The following EPHB2 variants were observed in gnomAD, a reference collection of about 807,000 sequenced individuals.
EPHB2 encodes the protein ephrin type-B receptor 2.
Under a neutral mutation model 96.4 loss-of-function variants are expected in EPHB2, and 18 were observed. The ratio of observed to expected loss-of-function variants is 0.19; its 90% confidence interval spans 0.13 to 0.28. The LOEUF is 0.28. Ranked by LOEUF, EPHB2 falls within the 10% of genes least tolerant of loss-of-function variation. EPHB2 has a pLI of 1.00. For missense variants in EPHB2, 989 were observed against 1,355.4 expected, an observed-to-expected ratio of 0.73 and a Z score of 4.25; for synonymous variants, 506 against 534.1, an observed-to-expected ratio of 0.95 and a Z score of 0.72.
At chr1:22,854,230 G>C in intron 3 of EPHB2, among the ~76,000 whole-genome samples, 1 of 152,200 alleles carries the variant, frequency 6.6e-6, no homozygotes, top group East Asian at 1.9e-4. Context: ...ATGGACTAAG[G>C]CTGGGCATAG....
intron 6 of EPHB2, chr1:22,882,727 A>G (rs994020165): frequency 2.1e-6 from 1 of 469,684 alleles, no homozygotes; most frequent in Non-Finnish European, 3.9e-6. Flanking sequence ...ACACCCAGCA[A>G]TCTCAGTGAA....
At chr1:22,800,700 A>ATG (rs1407584015) in intron 3 of EPHB2, among the ~76,000 whole-genome samples, 26 of 108,528 alleles carry the variant, frequency 2.4e-4, no homozygotes, top group African/African-American at 6.0e-4. Flanking sequence ...CTGTGTGAGT[A>ATG]TATGTGTGTG....
intron 3 of EPHB2, among the ~76,000 whole-genome samples, chr1:22,796,958 G>A (rs1020066465): frequency 6.6e-6 from 1 of 152,342 alleles, no homozygotes; most frequent in East Asian, 1.9e-4. Context: ...TCCAAAGCCT[G>A]TACTTGTCCT....
rs1266806197 is a variant in EPHB2, at chr1:22,767,824, G to A, written c.62-13597G>A. On this transcript the variant is annotated intron_variant, in intron 1 of 15. Coordinates refer to ENST00000374630, the MANE Select transcript of EPHB2 (RefSeq NM_017449.5). The stretch of plus-strand genomic sequence containing the variant: ...TCTTTAGCTGGCATTGCCTCTCAGG[G>A]TACCAGTGGGAAATGGTGGGAAAGC... Among the ~76,000 whole-genome samples, 4 of 152,224 alleles carry A rather than the reference G, an allele frequency of 2.6e-5. No homozygotes were observed. The East Asian group carries it at 7.7e-4, about 29-fold the overall frequency.
rs952733534 is a variant in EPHB2 at position 22,897,034 on chromosome 1, C to A, written c.1765+556C>A. ...GCAGCAGGAGTCCCTCCTTCCTTCT[C>A]TTCCTCTCACTCTGTGGCTCCAGAC... On this transcript the variant is annotated intron_variant, in intron 9 of 15. Coordinates refer to ENST00000374630, the MANE Select transcript of EPHB2 (RefSeq NM_017449.5). Among the ~76,000 whole-genome samples the A allele has an allele frequency of 3.9e-5, 6 of 152,352 alleles. No individual in the cohort carries two copies. The East Asian group carries it at 1.2e-3, about 29-fold the overall frequency.
intron 1 of EPHB2, among the ~76,000 whole-genome samples, chr1:22,762,246 C>T (rs1644245502): frequency 6.6e-6 from 1 of 152,192 alleles, no homozygotes; most frequent in Admixed American, 6.5e-5. Flanking sequence ...CAGCTCCCAG[C>T]AGCTGGTGTC....
intron 5 of EPHB2, among the ~76,000 whole-genome samples, chr1:22,879,703 G>A (rs1433847997): frequency 6.6e-6 from 1 of 152,232 alleles, no homozygotes; most frequent in African/African-American, 2.4e-5. Context: ...TGTTGAGGGG[G>A]TTAAATGAGA....
At chr1:22,809,366 C>A (rs570833337) in intron 3 of EPHB2, among the ~76,000 whole-genome samples, 3 of 152,240 alleles carry the variant, frequency 2.0e-5, no homozygotes, top group South Asian at 2.1e-4. Flanking sequence ...GAGATGTCTA[C>A]AGATCAGACA....
chr1:22,711,377 G>A (rs1360915105), intron 1 of EPHB2, among the ~76,000 whole-genome samples: 4 of 149,132 alleles, frequency 2.7e-5, no homozygotes, highest in Non-Finnish European at 6.0e-5. Flanking sequence ...GCGCCGGCCT[G>A]GTCTTGCTCC....
chr1:22,866,770 T>C (rs1024298110), intron 5 of EPHB2, among the ~76,000 whole-genome samples: 4 of 151,882 alleles, frequency 2.6e-5, no homozygotes, highest in African/African-American at 9.7e-5. Context: ...CCCATCTCTA[T>C]TAAAAATACA....
intron 6 of EPHB2, among the ~76,000 whole-genome samples, chr1:22,887,051 C>A (rs1639249001): frequency 6.6e-6 from 1 of 151,924 alleles, no homozygotes; most frequent in Admixed American, 6.6e-5. Context: ...CTTACTGGGG[C>A]AAAGGGGTTG....
chr1:22,829,135 G>A (rs781590292), intron 3 of EPHB2, among the ~76,000 whole-genome samples: 3 of 152,248 alleles, frequency 2.0e-5, no homozygotes, highest in Non-Finnish European at 4.4e-5. Context: ...TGCAAAGCAC[G>A]TGACACTGAC....
chr1:22,875,292 G>T lies in EPHB2; in HGVS notation c.1304-7067G>T, dbSNP rs16827709. Among the ~76,000 whole-genome samples the T allele has an allele frequency of 0.062, 9,413 of 152,268 alleles. 969 individuals are homozygous for T. Among genetic ancestry groups the T allele is most frequent in the African/African-American group, 0.21 (8,719 of 41,518 alleles). On this transcript the variant is annotated intron_variant, in intron 5 of 15. Transcript: ENST00000374630. The surrounding 1 kb of genome is among the most constrained non-coding windows in gnomAD (Gnocchi z 4.2). The stretch of plus-strand genomic sequence containing the variant: ...ACTCAAAAAGCAGCTGTCCCATGAT[G>T]AGCTGGGAATTCTAAGAGTCCCGTC...
At chr1:22,732,302 G>C (rs1195624075) in intron 1 of EPHB2, among the ~76,000 whole-genome samples, 1 of 151,828 alleles carries the variant, frequency 6.6e-6, no homozygotes, top group Non-Finnish European at 1.5e-5. Context: ...CAAGAGCTGC[G>C]GGGGCCTGGG....
At chr1:22,878,193 C>T (rs181035239) in intron 5 of EPHB2, among the ~76,000 whole-genome samples, 1 of 152,208 alleles carries the variant, frequency 6.6e-6, no homozygotes, top group Non-Finnish European at 1.5e-5. Flanking sequence ...GCAGCCCCTG[C>T]TGAAATCCCT....
intron 3 of EPHB2, among the ~76,000 whole-genome samples, chr1:22,837,724 T>C (rs78921216): frequency 1.3e-5 from 2 of 152,162 alleles, no homozygotes; most frequent in African/African-American, 4.8e-5. Flanking sequence ...TCCCCACTCC[T>C]TCCCAGAATT....
intron 3 of EPHB2, among the ~76,000 whole-genome samples, chr1:22,806,516 T>C (rs200909598): frequency 0.039 from 3,882 of 100,824 alleles, 97 homozygotes; most frequent in African/African-American, 0.1. Context: ...GATGGATGGA[T>C]GGATGGATGG....
At chr1:22,896,288 GGCA>G in intron 8 of EPHB2, 123 bp from the exon 9 acceptor site, 1 of 1,200,720 alleles carries the variant, frequency 8.3e-7, no homozygotes, top group South Asian at 1.3e-5. Context: ...AAAAGGGGCA[GGCA>G]GGGAGCCCTC....
At chr1:22,896,373 C>T (rs938159330) in intron 8 of EPHB2, 41 bp from the exon 9 acceptor site, 13 of 1,613,434 alleles carry the variant, frequency 8.1e-6, no homozygotes, top group Middle Eastern at 1.6e-4. Context: ...GCTCCCTGGG[C>T]GCCTTCAGGT....
Sources: allele counts gnomAD v4.1 joint callset (sites outside exome capture counted in the v4.1 genomes callset), GRCh38; gene constraint gnomAD v4.1.1; non-coding constraint Gnocchi (gnomAD v3.1); transcripts MANE v1.5; gene names NCBI Gene and HGNC (gene_info 2026-07-23, HGNC 2026-07-21).